Variants in SPECC1 observed in about 807,000 individuals in gnomAD.
SPECC1 encodes sperm antigen with calponin homology and coiled-coil domains 1.
In SPECC1, 62 loss-of-function variants were observed where a neutral mutation model predicts 104.1. The ratio of observed to expected loss-of-function variants is 0.60; its 90% CI spans 0.49 to 0.74. The LOEUF is 0.74. Among genes scored for constraint, SPECC1 ranks in the 30% least tolerant of loss-of-function variants. The pLI, the probability that SPECC1 is intolerant of heterozygous loss-of-function variation, is 0.00. For synonymous variants in SPECC1, 513 were observed against 501.6 expected, an observed-to-expected ratio of 1.02 and a Z score of -0.30; for missense variants, 1,306 against 1,310.5, an observed-to-expected ratio of 1.00 and a Z score of 0.05.
chr17:20,121,476 A>G (rs563519339), intron 3 of SPECC1, among the ~76,000 whole-genome samples: 5 of 152,050 alleles, frequency 3.3e-5, no homozygotes, highest in South Asian at 2.1e-4. Context: ...GGCTCAAGCA[A>G]TCCTCCTGCC....
chr17:20,210,108 G>A (rs1223390434), intron 4 of SPECC1, among the ~76,000 whole-genome samples: 1 of 152,220 alleles, frequency 6.6e-6, no homozygotes, highest in Non-Finnish European at 1.5e-5. Context: ...CCAGTGGTCA[G>A]AGATGGCAGA....
At position 20,315,761 on chromosome 17, in the gene SPECC1, G is replaced by C. The variant is rs946615073; in HGVS notation, c.*1696G>C. 1 of 232,500 alleles carries C rather than the reference G, an allele frequency of 4.3e-6. No homozygotes were observed. The highest frequency in any genetic ancestry group is 8.5e-6 in the Non-Finnish European group (1 of 117,602). The allele number at this position is 232,500 out of a possible 1,614,324, so 14.4% of individuals were successfully genotyped here. On this transcript the variant is annotated 3_prime_UTR_variant, in exon 15 of 15. Transcript: ENST00000395527. ...CAGAGGTGGCAACTGGGCTGCACGGGTCAGCAGATCCCTGATTCTCAAGCC... is the reference window on the plus strand; with the variant it reads ...CAGAGGTGGCAACTGGGCTGCACGGCTCAGCAGATCCCTGATTCTCAAGCC...
At chr17:20,052,377 T>G (rs570213022) in intron 1 of SPECC1, among the ~76,000 whole-genome samples, 114 of 152,244 alleles carry the variant, frequency 7.5e-4, no homozygotes, top group Non-Finnish European at 1.1e-3. Flanking sequence ...GTATTGAACA[T>G]TGTATTAGAA....
At position 20,301,845 on chromosome 17, in the gene SPECC1, A is replaced by G. The variant is rs146137981; in HGVS notation, c.3058-4178A>G. On this transcript the variant is annotated intron_variant, in intron 13 of 14. Coordinates refer to ENST00000395527, the MANE Select transcript of SPECC1 (RefSeq NM_001243439.2). ...CTCAACCTCTCGAGTAGCTGTGACT[A>G]CAGGCACACGGCACTACACCTGGCT... 4.4e-3 allele frequency among the ~76,000 whole-genome samples: 675 copies of G among 152,158 alleles called. 3 individuals are homozygous for G. The highest frequency in any genetic ancestry group is 0.015 in the African/African-American group (604 of 41,520).
intron 1 of SPECC1, among the ~76,000 whole-genome samples, chr17:20,013,855 TA>T (rs1350705495): frequency 2.0e-5 from 3 of 152,110 alleles, no homozygotes; most frequent in Non-Finnish European, 4.4e-5. Context: ...ATCCCTAATA[TA>T]GATATACATT....
At chr17:20,214,758 T>G (rs1336151782) in intron 4 of SPECC1, among the ~76,000 whole-genome samples, 2 of 152,172 alleles carry the variant, frequency 1.3e-5, no homozygotes, top group East Asian at 3.9e-4. Flanking sequence ...TCCACCCACC[T>G]CAACCTCCCA....
At chr17:20,279,662 G>A (rs949970437) in intron 12 of SPECC1, among the ~76,000 whole-genome samples, 6 of 152,108 alleles carry the variant, frequency 3.9e-5, no homozygotes, top group Admixed American at 1.3e-4. Context: ...CTTGATCTTG[G>A]AACAAAATTC....
chr17:20,233,869 C>T (rs1409646660), intron 7 of SPECC1, among the ~76,000 whole-genome samples: 5 of 152,238 alleles, frequency 3.3e-5, no homozygotes, highest in East Asian at 1.9e-4. Context: ...GAAGAAAATC[C>T]GAGTCAGAAC....
At chr17:20,110,822 T>C (rs1436381225) in intron 3 of SPECC1, among the ~76,000 whole-genome samples, 1 of 152,064 alleles carries the variant, frequency 6.6e-6, no homozygotes. Flanking sequence ...TTTGTCACCA[T>C]GCACGTGTGA....
chr17:20,277,896 G>C (rs1159392438), intron 12 of SPECC1, among the ~76,000 whole-genome samples: 1 of 151,716 alleles, frequency 6.6e-6, no homozygotes, highest in African/African-American at 2.4e-5. Flanking sequence ...GTTGTGGCGT[G>C]TGTCAGCCAC....
rs774639766 is a variant in SPECC1 at position 20,217,872 on chromosome 17, TA to T, written c.1864-9531del. Among the ~76,000 whole-genome samples the T allele has an allele frequency of 6.9e-3, 1,022 of 147,782 alleles. 9 individuals carry two copies. Among genetic ancestry groups the T allele is most frequent in the African/African-American group, 0.024 (961 of 40,470 alleles). Reference sequence around the variant, plus strand: ...GGGCAACATAGCAAGACCCCACCTATAAAAAAAAAATGAACTGGGCATTGTG... The same window carrying T: ...GGGCAACATAGCAAGACCCCACCTATAAAAAAAAATGAACTGGGCATTGTG... On this transcript the variant is annotated intron_variant, in intron 4 of 14. Coordinates refer to ENST00000395527, the MANE Select transcript of SPECC1 (RefSeq NM_001243439.2).
intron 3 of SPECC1, among the ~76,000 whole-genome samples, chr17:20,131,962 C>T (rs769252271): frequency 6.6e-5 from 10 of 152,142 alleles, no homozygotes; most frequent in Non-Finnish European, 1.3e-4. Flanking sequence ...AAGCATTCAG[C>T]CTTTAACCAT....
intron 7 of SPECC1, among the ~76,000 whole-genome samples, chr17:20,245,246 CA>C (rs2039371638): frequency 6.6e-6 from 1 of 152,184 alleles, no homozygotes. Flanking sequence ...ACTGGACCAC[CA>C]GGGAACCTGC....
rs1281074855 is a variant in SPECC1, at chr17:20,096,794, G to A, written c.143G>A (p.Ser48Asn). The stretch of plus-strand genomic sequence containing the variant: ...TCCTTGGCTTTTGAGTCCCGACTCA[G>A]CAGGGTATGGATCAAAATGCACAGG... ...STSLAFESRL[S>N]RLKRASSEDT... is the part of the protein sequence containing the mutation. Residue 48 changes from serine (S) to asparagine (N), a missense_variant, in exon 2 of 15, where the codon AGC (serine) becomes AAC (asparagine). Physicochemically the swap from Ser to Asn is conservative, Grantham distance 46. Transcript: ENST00000395527. 3.1e-6 allele frequency: 5 copies of A among 1,612,942 alleles called. No individual in the cohort carries two copies. The African/African-American group carries it at 6.7e-5, about 22-fold the overall frequency.
intron 2 of SPECC1, among the ~76,000 whole-genome samples, chr17:20,109,970 C>G (rs959962617): frequency 6.6e-6 from 1 of 152,088 alleles, no homozygotes; most frequent in African/African-American, 2.4e-5. Context: ...GCAATCCTCT[C>G]ACCTCAGCCT....
chr17:20,250,255 T>A (rs772227767), intron 9 of SPECC1, among the ~76,000 whole-genome samples: 2 of 152,204 alleles, frequency 1.3e-5, no homozygotes, highest in Non-Finnish European at 2.9e-5. Context: ...AAAAGAAAGA[T>A]GCTTTGAGTC....
At chr17:20,188,569 G>T (rs2035439404) in intron 3 of SPECC1, among the ~76,000 whole-genome samples, 1 of 152,084 alleles carries the variant, frequency 6.6e-6, no homozygotes, top group African/African-American at 2.4e-5. Flanking sequence ...GAGCCACCGT[G>T]CCCGGCTTGT....
chr17:20,156,612 T>G (rs371984277), intron 3 of SPECC1, among the ~76,000 whole-genome samples: 2 of 152,130 alleles, frequency 1.3e-5, no homozygotes, highest in East Asian at 1.9e-4. Flanking sequence ...CCTCTCCCTG[T>G]CGGCCGCCGG....
At chr17:20,256,078 C>G (rs1019192783) in intron 10 of SPECC1, among the ~76,000 whole-genome samples, 2 of 151,836 alleles carry the variant, frequency 1.3e-5, no homozygotes, top group African/African-American at 4.8e-5. Context: ...GGGGTTTCAC[C>G]GTGTTAGCCA....
Sources: allele counts gnomAD v4.1 joint callset (sites outside exome capture counted in the v4.1 genomes callset), GRCh38; gene constraint gnomAD v4.1.1; transcripts MANE v1.5; gene names NCBI Gene and HGNC (gene_info 2026-07-23, HGNC 2026-07-21).